The following DTX2 variants were observed in gnomAD, a reference collection of about 807,000 sequenced individuals.
DTX2 encodes probable E3 ubiquitin-protein ligase DTX2.
In DTX2, 29 loss-of-function variants were observed where a neutral mutation model predicts 55.3. The ratio of observed to expected loss-of-function variants is 0.52; its 90% confidence interval spans 0.39 to 0.71. The LOEUF (loss-of-function observed/expected upper bound fraction) is 0.71, where lower values mean the gene tolerates loss of function less well. Among genes scored for constraint, DTX2 ranks in the 30% least tolerant of loss-of-function variants. The pLI, the probability that DTX2 is intolerant of heterozygous loss-of-function variation, is 0.00. For synonymous variants in DTX2, 276 were observed against 340.4 expected (o/e 0.81, Z 2.08); for missense variants, 537 against 822.5 (o/e 0.65, Z 4.25).
intron 2 of DTX2, among the ~76,000 whole-genome samples, chr7:76,471,822 C>T (rs183551286): frequency 1.6e-3 from 241 of 146,898 alleles, no homozygotes; most frequent in African/African-American, 6.3e-3. Flanking sequence ...TGCTCTTGGC[C>T]ACCCAGGAGC....
chr7:76,488,410 G>GC (rs535522754), intron 4 of DTX2, among the ~76,000 whole-genome samples: 24,222 of 24,222 alleles, frequency 1, 12,111 homozygotes, highest in Non-Finnish European at 1. Flanking sequence ...TGGGCTTAGA[G>GC]CCCTCTGGGC....
At chr7:76,498,368 G>A (rs1811168373) in intron 6 of DTX2, among the ~76,000 whole-genome samples, 1 of 151,674 alleles carries the variant, frequency 6.6e-6, no homozygotes, top group Admixed American at 6.6e-5. Flanking sequence ...CCAGCCCAGG[G>A]CTCTGCACGC....
In DTX2 at chr7:76,503,594, G is replaced by GGC; in HGVS notation, c.1551+8_1551+9dup. The GGC allele has an allele frequency of 6.2e-7, 1 of 1,606,180 alleles. No homozygotes were observed. The highest frequency in any genetic ancestry group is 8.5e-7 in the Non-Finnish European group (1 of 1,175,178). On this transcript the variant is annotated splice_region_variant and intron_variant, in intron 9 of 10. Coordinates refer to ENST00000430490, the MANE Select transcript of DTX2 (RefSeq NM_001102594.3). ...CATTCCCCATGGTATCCAGGTGAGG[G>GGC]GCCTTCTTGAGTCCCCCACTCCTGG...
At chr7:76,481,073 G>A (rs1366135394) in intron 3 of DTX2, among the ~76,000 whole-genome samples, 4 of 152,258 alleles carry the variant, frequency 2.6e-5, no homozygotes, top group African/African-American at 7.2e-5. Context: ...GAGGTGGTGC[G>A]TCATAGGAGT....
chr7:76,466,598 T>G (rs1343231332), intron 2 of DTX2, among the ~76,000 whole-genome samples: 2 of 151,940 alleles, frequency 1.3e-5, no homozygotes, highest in Admixed American at 1.3e-4. Context: ...GTCTCTTTTT[T>G]TTTTTTCTTT....
chr7:76,498,377 G>A (rs1156400732), intron 6 of DTX2, among the ~76,000 whole-genome samples: 4 of 151,692 alleles, frequency 2.6e-5, no homozygotes, highest in Non-Finnish European at 5.9e-5. Context: ...GGCTCTGCAC[G>A]CCCTGCCCTT....
At chr7:76,480,207 A>C (rs1809011517) in intron 2 of DTX2, among the ~76,000 whole-genome samples, 1 of 145,890 alleles carries the variant, frequency 6.9e-6, no homozygotes, top group Admixed American at 6.9e-5. Context: ...CTGGAGGCTG[A>C]GTTGTGAGGA....
chr7:76,490,904 C>T (rs1217833137), intron 4 of DTX2, among the ~76,000 whole-genome samples: 5 of 134,458 alleles, frequency 3.7e-5, no homozygotes, highest in Non-Finnish European at 7.9e-5. Flanking sequence ...TGATACTGAC[C>T]TGTCTTTTAC....
chr7:76,499,427 G>C (rs1302115978), intron 6 of DTX2, among the ~76,000 whole-genome samples: 1 of 151,648 alleles, frequency 6.6e-6, no homozygotes, highest in Non-Finnish European at 1.5e-5. Context: ...TGGTGTAAAG[G>C]GAGTTCAGCA....
In DTX2 at chr7:76,505,362, C is replaced by A; in HGVS notation, c.1642-12C>A. On this transcript the variant is annotated splice_polypyrimidine_tract_variant and intron_variant, in intron 10 of 10. Transcript: ENST00000430490. This position sits in a 1 kb window ranked among gnomAD's most constrained non-coding sequence, Gnocchi z 4.4. ...CCCCTCCTTCCTCTTCCCCCTCCTC[C>A]TCCCCGGGCAGGTCCTAGAGCTCCT... is the stretch of plus-strand genomic sequence containing the variant. 1.3e-6 allele frequency: 2 copies of A among 1,560,340 alleles called. No homozygotes were observed. Among genetic ancestry groups the A allele is most frequent in the Non-Finnish European group, 1.7e-6 (2 of 1,151,778 alleles).
chr7:76,466,654 C>T (rs1311211112), intron 2 of DTX2, among the ~76,000 whole-genome samples: 1 of 151,988 alleles, frequency 6.6e-6, no homozygotes, highest in Non-Finnish European at 1.5e-5. Flanking sequence ...TGCAATGGCA[C>T]GATCTCGGCT....
chr7:76,464,245 A>G (rs1638103), intron 2 of DTX2, among the ~76,000 whole-genome samples: 47,538 of 107,564 alleles, frequency 0.44, 8,359 homozygotes, highest in African/African-American at 0.6. Context: ...GGGCACAGTC[A>G]CCTGGGAGAG....
chr7:76,464,092 G>A (rs1806891704), intron 2 of DTX2, among the ~76,000 whole-genome samples: 1 of 151,614 alleles, frequency 6.6e-6, no homozygotes, highest in African/African-American at 2.4e-5. Flanking sequence ...GGTGTTGTCA[G>A]TGTGATATAT....
In DTX2 at chr7:76,505,515, G is replaced by T; in HGVS notation, c.1783G>T (p.Gly595Cys). 1 of 1,609,504 alleles carries T rather than the reference G, an allele frequency of 6.2e-7. No individual in the cohort carries two copies. The highest frequency in any genetic ancestry group is 8.5e-7 in the Non-Finnish European group (1 of 1,178,192). ...TEMDRNITGHGYPDPNYLQNV... is the reference protein window; with the variant it reads ...TEMDRNITGHCYPDPNYLQNV... ...GATGGACCGCAACATTACGGGCCACGGCTATCCCGACCCCAACTACCTGCA... is the reference window on the plus strand; with the variant it reads ...GATGGACCGCAACATTACGGGCCACTGCTATCCCGACCCCAACTACCTGCA... Residue 595 changes from glycine (G) to cysteine (C), a missense_variant, in exon 11 of 11, where the codon GGC becomes TGC. Around this residue, in one of 7 missense-constraint regions of DTX2, gnomAD observed 59 missense variants for 54.1 expected, o/e 1.09. Coordinates refer to ENST00000430490, the MANE Select transcript of DTX2 (RefSeq NM_001102594.3). The surrounding 1 kb of genome is among the most constrained non-coding windows in gnomAD (Gnocchi z 4.4).
Position 76,505,511 on chromosome 7 carries a change from C to T in DTX2, c.1779C>T (p.Gly593=), listed in dbSNP as rs954418006. The T allele has an allele frequency of 1.1e-5, 17 of 1,609,396 alleles. No homozygotes were observed. Among genetic ancestry groups the T allele is most frequent in the Non-Finnish European group, 1.4e-5 (16 of 1,178,128 alleles). Residue 593 remains glycine (G), a synonymous_variant, in exon 11 of 11, where the codon GGC becomes GGT. Transcript: ENST00000430490. This position sits in a 1 kb window ranked among gnomAD's most constrained non-coding sequence, Gnocchi z 4.4. ...CAGAGATGGACCGCAACATTACGGG[C>T]CACGGCTATCCCGACCCCAACTACC... The part of the protein sequence containing the change: ...HKTEMDRNIT[G]HGYPDPNYLQ...
At chr7:76,483,803 C>G (rs1053505024) in intron 4 of DTX2, among the ~76,000 whole-genome samples, 1 of 150,698 alleles carries the variant, frequency 6.6e-6, no homozygotes, top group African/African-American at 2.4e-5. Context: ...CCTTTAATCC[C>G]AGCACTTTGG....
At chr7:76,474,591 A>T (rs1047032912) in intron 2 of DTX2, 1 of 152,100 alleles carries the variant, frequency 6.6e-6, no homozygotes, top group African/African-American at 2.4e-5. Context: ...CAGTGATCAG[A>T]TGGGTTTCTC....
In DTX2 at chr7:76,490,995, CT is replaced by C. The variant is rs773754831; in HGVS notation, c.909-1139del. ...TCTAAACAGGTGCTATGAGAACCTGCTTTTTTTTTTTTTTTTTTTGAGACTG... is the reference window on the plus strand; with the variant it reads ...TCTAAACAGGTGCTATGAGAACCTGCTTTTTTTTTTTTTTTTTTGAGACTG... On this transcript the variant is annotated intron_variant, in intron 4 of 10. Coordinates refer to ENST00000430490, the MANE Select transcript of DTX2 (RefSeq NM_001102594.3). 8.7e-4 allele frequency among the ~76,000 whole-genome samples: 55 copies of C among 63,370 alleles called. 1 individual carries two copies. The highest frequency in any genetic ancestry group is 2.4e-3 in the East Asian group (5 of 2,108). 41.6% of individuals were successfully genotyped at this position (63,370 alleles called of 152,430 possible).
At chr7:76,469,133 T>C (rs1638094) in intron 2 of DTX2, among the ~76,000 whole-genome samples, 73,617 of 132,928 alleles carry the variant, frequency 0.55, 20,183 homozygotes, top group African/African-American at 0.67. Context: ...TTGTTTATGG[T>C]TGTTCTTGTG....
Sources: allele counts gnomAD v4.1 joint callset (sites outside exome capture counted in the v4.1 genomes callset), GRCh38; gene constraint gnomAD v4.1.1; regional missense constraint gnomAD v4.1.1; non-coding constraint Gnocchi (gnomAD v3.1); transcripts MANE v1.5; gene names NCBI Gene and HGNC (gene_info 2026-07-23, HGNC 2026-07-21).